Variants in TMCO5A observed in about 807,000 individuals in gnomAD.
TMCO5A encodes the protein transmembrane and coiled-coil domain-containing protein 5A.
A neutral mutation model predicts 42.3 loss-of-function variants in TMCO5A; 34 were observed. That is an observed-to-expected ratio of 0.80 (90% confidence interval 0.61 to 1.07). The LOEUF (loss-of-function observed/expected upper bound fraction) is 1.07, where lower values mean the gene tolerates loss of function less well. Ranked by LOEUF, TMCO5A falls within the 50% of genes least tolerant of loss-of-function variation. The pLI is 0.00. For synonymous variants in TMCO5A, 131 were observed against 115.6 expected (o/e 1.13, Z -0.86); for missense variants, 357 against 327.9 (o/e 1.09, Z -0.69).
the TMCO5A span, among the ~76,000 whole-genome samples, chr15:37,979,640 A>G: frequency 6.6e-6 from 1 of 151,986 alleles, no homozygotes; most frequent in Non-Finnish European, 1.5e-5. Context: ...TGAGGAAAAC[A>G]GAGTGGCCAC....
chr15:37,936,931 A>C lies in TMCO5A; in HGVS notation c.225A>C (p.Glu75Asp). 2 of 1,612,640 alleles carry C rather than the reference A, an allele frequency of 1.2e-6. No individual in the cohort carries two copies. Among genetic ancestry groups the C allele is most frequent in the Non-Finnish European group, 1.7e-6 (2 of 1,179,108 alleles). ...AGAACCGCACCACGATGGAAAGGGAAAGAGCCTTGCAGGAGCTGGAGGAAG... is the reference window on the plus strand; with the variant it reads ...AGAACCGCACCACGATGGAAAGGGACAGAGCCTTGCAGGAGCTGGAGGAAG... ...EKENRTTMER[E>D]RALQELEEET... Residue 75 changes from glutamate (E) to aspartate (D), a missense_variant, in exon 4 of 12, where the codon GAA becomes GAC. Glu to Asp is a conservative substitution (Grantham distance 45). Coordinates refer to ENST00000319669, the MANE Select transcript of TMCO5A (RefSeq NM_152453.4).
At chr15:38,039,116 G>A in the TMCO5A span, among the ~76,000 whole-genome samples, 5 of 152,122 alleles carry the variant, frequency 3.3e-5, no homozygotes, top group African/African-American at 4.8e-5. Context: ...AAAAAATGCA[G>A]GTTTTAATAG....
Position 37,936,479 on chromosome 15 carries a change from T to C in TMCO5A, c.140+16T>C. ...AGATTCAGAGGTGAGTATTAAGGTT[T>C]CATGAGGGAAGTTCCCAATCCAAAG... On this transcript the variant is annotated intron_variant, in intron 3 of 11. Transcript: ENST00000319669. The C allele has an allele frequency of 6.2e-7, 1 of 1,600,946 alleles. No individual in the cohort carries two copies. The highest frequency in any genetic ancestry group is 1.7e-4 in the Middle Eastern group (1 of 5,966).
At chr15:38,022,643 A>T in the TMCO5A span, among the ~76,000 whole-genome samples, 1 of 152,160 alleles carries the variant, frequency 6.6e-6, no homozygotes, top group East Asian at 1.9e-4. Flanking sequence ...ATGTAAATCC[A>T]TAGTTTTATG....
At chr15:37,997,601 A>G in the TMCO5A span, among the ~76,000 whole-genome samples, 1 of 152,076 alleles carries the variant, frequency 6.6e-6, no homozygotes, top group African/African-American at 2.4e-5. Context: ...TTTCTTTATC[A>G]GTTTGTCTGT....
chr15:38,027,016 A>G, the TMCO5A span, among the ~76,000 whole-genome samples: 1 of 152,150 alleles, frequency 6.6e-6, no homozygotes, highest in African/African-American at 2.4e-5. Context: ...GAGTTCATGG[A>G]GAACCTCTAC....
At chr15:37,966,497 T>C (rs1890559766) in intron 11 of TMCO5A, 2 of 680,698 alleles carry the variant, frequency 2.9e-6, no homozygotes, top group Non-Finnish European at 5.3e-6. Context: ...CCCATAAATA[T>C]ACACACCTAC....
chr15:38,029,367 C>CCACACACACA, the TMCO5A span, among the ~76,000 whole-genome samples: 507 of 148,048 alleles, frequency 3.4e-3, 2 homozygotes, highest in African/African-American at 0.012. Flanking sequence ...CATGAATACA[C>CCACACACACA]CACACACACA....
At chr15:37,987,071 T>G in the TMCO5A span, among the ~76,000 whole-genome samples, 1 of 152,050 alleles carries the variant, frequency 6.6e-6, no homozygotes, top group Non-Finnish European at 1.5e-5. Flanking sequence ...TCAACATACA[T>G]TTTTTGTATT....
chr15:37,971,231 A>G (rs570250228), downstream of TMCO5A, among the ~76,000 whole-genome samples: 2 of 152,166 alleles, frequency 1.3e-5, no homozygotes, highest in African/African-American at 4.8e-5. Context: ...GTGCACCTGT[A>G]GACTCAACAC....
At chr15:37,987,894 A>G in the TMCO5A span, among the ~76,000 whole-genome samples, 1 of 151,862 alleles carries the variant, frequency 6.6e-6, no homozygotes, top group African/African-American at 2.4e-5. Flanking sequence ...TTTCTGCCCA[A>G]AAAAAAGTCA....
chr15:37,983,744 G>C, the TMCO5A span, among the ~76,000 whole-genome samples: 1 of 143,496 alleles, frequency 7.0e-6, no homozygotes, highest in Non-Finnish European at 1.5e-5. Context: ...TTTTTTTTGA[G>C]ATGGAGTTTC....
At chr15:38,006,841 A>G in the TMCO5A span, among the ~76,000 whole-genome samples, 2 of 151,302 alleles carry the variant, frequency 1.3e-5, no homozygotes, top group East Asian at 3.9e-4. Flanking sequence ...GCTAATATTT[A>G]TATTATTTTA....
chr15:37,964,394 G>GT (rs1566924785), intron 11 of TMCO5A, among the ~76,000 whole-genome samples: 2 of 152,072 alleles, frequency 1.3e-5, no homozygotes, highest in African/African-American at 4.8e-5. Flanking sequence ...ACAGTATTTG[G>GT]GGTGTCTTCC....
At chr15:38,017,507 A>G in the TMCO5A span, among the ~76,000 whole-genome samples, 4 of 152,100 alleles carry the variant, frequency 2.6e-5, no homozygotes, top group Non-Finnish European at 4.4e-5. Context: ...TCAAATTTAG[A>G]TCGGTATAAT....
the TMCO5A span, among the ~76,000 whole-genome samples, chr15:38,037,177 G>A: frequency 4.6e-5 from 7 of 152,332 alleles, no homozygotes; most frequent in South Asian, 1.2e-3. Context: ...AGCACAGACT[G>A]AACTGCAATA....
At chr15:38,013,599 C>T in the TMCO5A span, among the ~76,000 whole-genome samples, 2 of 152,178 alleles carry the variant, frequency 1.3e-5, no homozygotes, top group Non-Finnish European at 2.9e-5. Flanking sequence ...TGATTCCCTG[C>T]ATGTCACCTT....
At chr15:37,945,772 C>T (rs1438989596) in intron 10 of TMCO5A, among the ~76,000 whole-genome samples, 2 of 152,092 alleles carry the variant, frequency 1.3e-5, no homozygotes, top group Non-Finnish European at 2.9e-5. Context: ...GGGTATTAGA[C>T]ATTTGTCAGA....
At position 37,967,104 on chromosome 15, in the gene TMCO5A, T is replaced by A. The variant is rs114329305; in HGVS notation, c.*461T>A. 5.1e-3 allele frequency: 816 copies of A among 160,118 alleles called. 5 individuals carry two copies. The highest frequency in any genetic ancestry group is 0.018 in the African/African-American group (772 of 41,764). The allele number at this position is 160,118 out of a possible 1,614,324, so 9.9% of individuals were successfully genotyped here. A position where few individuals can be genotyped will look rare whatever the true frequency, so the allele number is the denominator to read the frequency against. ...TACAAAGAGCTCAGTTTAAGAACCA[T>A]GTAAATAATCAGGTCACTAGGGCTA... On this transcript the variant is annotated 3_prime_UTR_variant, in exon 12 of 12. Coordinates refer to the TMCO5A transcript ENST00000559502.
Sources: gnomAD v4.1 joint callset for allele counts (sites outside exome capture counted in the v4.1 genomes callset) on GRCh38, gnomAD v4.1.1 for gene constraint, MANE v1.5 for transcripts, NCBI Gene and HGNC (gene_info 2026-07-23, HGNC 2026-07-21) for gene names.